The following NT5M variants were observed in gnomAD, a reference collection of about 807,000 sequenced individuals.
NT5M encodes 5'(3')-deoxyribonucleotidase, mitochondrial.
In NT5M, 22 loss-of-function variants were observed where a neutral mutation model predicts 22.2. That is an observed-to-expected ratio of 0.99 (90% CI 0.71 to 1.41). NT5M has a LOEUF of 1.41. Among genes scored for constraint, NT5M ranks in the 40% most tolerant of loss-of-function variants. The pLI, the probability that NT5M is intolerant of heterozygous loss-of-function variation, is 0.00. For synonymous variants in NT5M, 167 were observed against 133.0 expected, an observed-to-expected ratio of 1.26 and a Z score of -1.76; for missense variants, 322 against 314.8, an observed-to-expected ratio of 1.02 and a Z score of -0.17.
intron 3 of NT5M, among the ~76,000 whole-genome samples, chr17:17,341,163 A>C (rs2049633683): frequency 6.6e-6 from 1 of 152,190 alleles, no homozygotes; most frequent in Non-Finnish European, 1.5e-5. Context: ...TATTCCAAAA[A>C]TACATGTGAT....
intron 3 of NT5M, among the ~76,000 whole-genome samples, chr17:17,337,258 T>A (rs2049534728): frequency 6.6e-6 from 1 of 152,194 alleles, no homozygotes; most frequent in African/African-American, 2.4e-5. Context: ...TTTTGTGTTG[T>A]TGAGACAGGA....
chr17:17,307,885 C>T (rs2048841444), intron 2 of NT5M, among the ~76,000 whole-genome samples: 2 of 151,696 alleles, frequency 1.3e-5, no homozygotes, highest in Non-Finnish European at 2.9e-5. Flanking sequence ...CCTGTCTCTA[C>T]TAAAAATACA....
intron 2 of NT5M, among the ~76,000 whole-genome samples, chr17:17,315,001 T>C (rs974473379): frequency 6.6e-6 from 1 of 152,210 alleles, no homozygotes; most frequent in East Asian, 1.9e-4. Flanking sequence ...GTCAGCTCCC[T>C]GAGGTCAGGG....
intron 3 of NT5M, among the ~76,000 whole-genome samples, chr17:17,335,208 T>A (rs562388907): frequency 2.4e-4 from 36 of 152,310 alleles, no homozygotes; most frequent in South Asian, 2.3e-3. Context: ...ATTTCGTTTT[T>A]AATGCTATTA....
At chr17:17,326,556 G>C (rs374064366) in intron 3 of NT5M, among the ~76,000 whole-genome samples, 2 of 152,226 alleles carry the variant, frequency 1.3e-5, no homozygotes, top group African/African-American at 4.8e-5. Flanking sequence ...CGTAGGGGCA[G>C]AGCCCGCAGA....
chr17:17,311,357 T>A (rs1441345523), intron 2 of NT5M, among the ~76,000 whole-genome samples: 1 of 151,888 alleles, frequency 6.6e-6, no homozygotes, highest in African/African-American at 2.4e-5. Flanking sequence ...AAAAAGAGTT[T>A]TAGTTTTAGC....
chr17:17,337,779 A>T (rs2049548418), intron 3 of NT5M, among the ~76,000 whole-genome samples: 1 of 151,654 alleles, frequency 6.6e-6, no homozygotes, highest in South Asian at 2.1e-4. Flanking sequence ...GAGTTGTTTG[A>T]CTCCTTATGT....
intron 2 of NT5M, among the ~76,000 whole-genome samples, chr17:17,318,480 C>CA (rs71355545): frequency 0.43 from 18,135 of 41,866 alleles, 4,494 homozygotes; most frequent in East Asian, 0.68. Flanking sequence ...GACTCTGTCT[C>CA]AAAAAAAAAA....
chr17:17,325,289 G>A lies in NT5M; in HGVS notation c.429+2044G>A, dbSNP rs149688645. Among the ~76,000 whole-genome samples, 374 of 152,280 alleles carry A rather than the reference G, an allele frequency of 2.5e-3. 2 individuals are homozygous for A. The highest frequency in any genetic ancestry group is 8.5e-3 in the African/African-American group (355 of 41,550). On this transcript the variant is annotated intron_variant, in intron 3 of 4. Coordinates refer to ENST00000389022, the MANE Select transcript of NT5M (RefSeq NM_020201.4). ...TGTCTTTGTGCCAGCTGTCCCACCT[G>A]CGTTGCCTCGGCCCGGGACTGCCCT...
intron 2 of NT5M, among the ~76,000 whole-genome samples, chr17:17,314,037 A>ATT (rs1368734191): frequency 7.6e-6 from 1 of 131,958 alleles, no homozygotes; most frequent in Non-Finnish European, 1.6e-5. Flanking sequence ...ATATGAATAT[A>ATT]TTCTTTTTTT....
intron 3 of NT5M, among the ~76,000 whole-genome samples, chr17:17,337,807 C>T (rs572179319): frequency 1.3e-5 from 2 of 152,218 alleles, no homozygotes; most frequent in South Asian, 4.1e-4. Flanking sequence ...TTATTAATCC[C>T]TTGTCAGATG....
intron 3 of NT5M, among the ~76,000 whole-genome samples, chr17:17,341,860 T>C (rs759738133): frequency 6.6e-6 from 1 of 151,982 alleles, no homozygotes; most frequent in Non-Finnish European, 1.5e-5. Context: ...GAAACCCCGT[T>C]TCTACTAAAA....
At chr17:17,329,802 C>T (rs1391114682) in intron 3 of NT5M, among the ~76,000 whole-genome samples, 1 of 151,590 alleles carries the variant, frequency 6.6e-6, no homozygotes, top group East Asian at 1.9e-4. Flanking sequence ...ATGATGAGAC[C>T]CCATCTGTAC....
At position 17,303,414 on chromosome 17, in the gene NT5M, C is replaced by A. The variant is rs1468744444; in HGVS notation, c.-137C>A. The A allele has an allele frequency of 5.1e-6, 5 of 973,368 alleles. No individual in the cohort carries two copies. The highest frequency in any genetic ancestry group is 6.1e-6 in the Non-Finnish European group (5 of 816,820). 60.3% of individuals were successfully genotyped at this position (973,368 alleles called of 1,614,324 possible). A position where few individuals can be genotyped will look rare whatever the true frequency, so the allele number is the denominator to read the frequency against. On this transcript the variant is annotated 5_prime_UTR_variant, in exon 1 of 5. Transcript: ENST00000389022. Reference sequence around the variant, plus strand: ...TTGCGCGCCCGCACCCCGCGCTCCCCGCCCCGCTCCCCGTCCCGCGCTCCA... The same window carrying A: ...TTGCGCGCCCGCACCCCGCGCTCCCAGCCCCGCTCCCCGTCCCGCGCTCCA...
At chr17:17,322,144 C>T (rs905109853) in intron 2 of NT5M, among the ~76,000 whole-genome samples, 9 of 151,912 alleles carry the variant, frequency 5.9e-5, no homozygotes, top group African/African-American at 1.5e-4. Flanking sequence ...GAGAGGATGG[C>T]GAGCCAGCGA....
intron 1 of NT5M, among the ~76,000 whole-genome samples, chr17:17,306,185 G>A (rs2048796243): frequency 6.6e-6 from 1 of 152,070 alleles, no homozygotes; most frequent in African/African-American, 2.4e-5. Context: ...ACCATGGTAA[G>A]AGCTGGTCCA....
intron 1 of NT5M, chr17:17,304,420 C>T (rs1439031648): frequency 2.0e-6 from 2 of 985,310 alleles, no homozygotes; most frequent in African/African-American, 3.5e-5. Context: ...CCGAGGTGTT[C>T]TGTCCAGGAT....
chr17:17,319,779 G>A (rs570104992), intron 2 of NT5M, among the ~76,000 whole-genome samples: 2 of 152,348 alleles, frequency 1.3e-5, no homozygotes, highest in South Asian at 2.1e-4. Context: ...GGTGGCAGGC[G>A]TGTTTATTTC....
intron 1 of NT5M, among the ~76,000 whole-genome samples, chr17:17,304,678 T>C (rs2048756665): frequency 6.6e-6 from 1 of 152,080 alleles, no homozygotes; most frequent in Non-Finnish European, 1.5e-5. Context: ...TGGGTAGATA[T>C]TATTATCTCT....
Sources: allele counts gnomAD v4.1 joint callset (sites outside exome capture counted in the v4.1 genomes callset), GRCh38; gene constraint gnomAD v4.1.1; transcripts MANE v1.5; gene names NCBI Gene and HGNC (gene_info 2026-07-23, HGNC 2026-07-21).